Variants in DNAJC13 observed in about 807,000 individuals in gnomAD.
DNAJC13 encodes DnaJ heat shock protein family (Hsp40) member C13, also known as dnaJ homolog subfamily C member 13.
In DNAJC13, 75 loss-of-function variants were observed where a neutral mutation model predicts 290.5. The ratio of observed to expected loss-of-function variants is 0.26; its 90% CI spans 0.21 to 0.31. The LOEUF (loss-of-function observed/expected upper bound fraction) is 0.31. Among genes scored for constraint, DNAJC13 ranks in the 10% least tolerant of loss-of-function variants. The pLI is 1.00. For synonymous variants in DNAJC13, 862 were observed against 892.0 expected (o/e 0.97, Z 0.60); for missense variants, 2,260 against 2,674.5 (o/e 0.85, Z 3.42).
intron 25 of DNAJC13, among the ~76,000 whole-genome samples, chr3:132,479,630 C>T (rs75300796): frequency 0.029 from 4,398 of 152,036 alleles, 208 homozygotes; most frequent in African/African-American, 0.1. Flanking sequence ...AAAATATATG[C>T]TTGACATAAA....
Position 132,447,361 on chromosome 3 carries a change from A to G in DNAJC13, c.185A>G (p.Lys62Arg). ...GDICSISPVG[K>R]GQGTEFNLTF... ...ATTTGCAGCATCAGCCCTGTTGGAA[A>G]AGGACAAGGAACGGAGTTCAACCTC... The change falls in exon 4 of 56, where the codon AAA becomes AGA. Residue 62 changes from lysine to arginine, a missense_variant. Coordinates refer to ENST00000260818, the MANE Select transcript of DNAJC13 (RefSeq NM_015268.4). 1.3e-6 allele frequency: 2 copies of G among 1,599,442 alleles called. No individual in the cohort carries two copies. The highest frequency in any genetic ancestry group is 1.7e-6 in the Non-Finnish European group (2 of 1,175,010).
intron 1 of DNAJC13, among the ~76,000 whole-genome samples, chr3:132,433,890 G>A (rs1163409929): frequency 6.6e-6 from 1 of 152,198 alleles, no homozygotes; most frequent in East Asian, 1.9e-4. Flanking sequence ...ATGATAAAGA[G>A]TTGAATAGAC....
chr3:132,448,194 T>C (rs1310997456), intron 5 of DNAJC13, among the ~76,000 whole-genome samples: 1 of 152,190 alleles, frequency 6.6e-6, no homozygotes, highest in Non-Finnish European at 1.5e-5. Flanking sequence ...AAAGCAACAC[T>C]ATAAGCATTC....
Position 132,535,661 on chromosome 3 carries a change from T to C in DNAJC13, c.6626-2515T>C, listed in dbSNP as rs565485190. Among the ~76,000 whole-genome samples, 7 of 152,290 alleles carry C rather than the reference T, an allele frequency of 4.6e-5. No individual in the cohort carries two copies. In the East Asian group the frequency reaches 1.2e-3, roughly 25 times the overall value. ...CAGAATTGGAGATGAACTTTTCACA[T>C]ATACATTTCATCGTGGTAGCCAATT... On this transcript the variant is annotated intron_variant, in intron 55 of 55. Coordinates refer to ENST00000260818, the MANE Select transcript of DNAJC13 (RefSeq NM_015268.4).
chr3:132,437,880 T>C (rs1326895381), intron 2 of DNAJC13, among the ~76,000 whole-genome samples: 2 of 152,200 alleles, frequency 1.3e-5, no homozygotes, highest in African/African-American at 4.8e-5. Context: ...TGAAATCCTG[T>C]CTCTACCAAA....
chr3:132,417,856 T>C (rs1170049482), intron 1 of DNAJC13, 96 bp downstream of exon 1: 2 of 152,554 alleles, frequency 1.3e-5, no homozygotes, highest in African/African-American at 2.4e-5. Flanking sequence ...GAAAACGGGG[T>C]GGTCTTGGCT....
chr3:132,507,101 A>T (rs1935618684), intron 42 of DNAJC13, 136 bp from the exon 43 acceptor site: 2 of 526,132 alleles, frequency 3.8e-6, no homozygotes, highest in East Asian at 3.1e-5. Context: ...AGTCTTTTTA[A>T]GTGCTGTGAC....
chr3:132,499,339 A>G (rs766950293), intron 37 of DNAJC13, 29 bp downstream of exon 37: 5 of 1,542,474 alleles, frequency 3.2e-6, no homozygotes, highest in Non-Finnish European at 4.4e-6. Context: ...TGTGCTTTTT[A>G]AGCCAGTTTA....
intron 1 of DNAJC13, among the ~76,000 whole-genome samples, chr3:132,421,442 C>A (rs1463355108): frequency 6.6e-6 from 1 of 152,096 alleles, no homozygotes; most frequent in Non-Finnish European, 1.5e-5. Flanking sequence ...TGTATCTTTA[C>A]ATGGAATCAT....
At chr3:132,498,679 T>C (rs1421444015) in intron 36 of DNAJC13, among the ~76,000 whole-genome samples, 1 of 152,106 alleles carries the variant, frequency 6.6e-6, no homozygotes, top group Non-Finnish European at 1.5e-5. Context: ...GATGTTAAGA[T>C]AAAATATTTT....
At chr3:132,459,851 G>A (rs559511298) in intron 13 of DNAJC13, among the ~76,000 whole-genome samples, 4 of 152,212 alleles carry the variant, frequency 2.6e-5, no homozygotes, top group East Asian at 1.9e-4. Context: ...TAACCATCAC[G>A]CTGGAATGTT....
intron 1 of DNAJC13, among the ~76,000 whole-genome samples, chr3:132,432,187 TTTTTG>T (rs775265161): frequency 5.4e-4 from 82 of 152,114 alleles, no homozygotes; most frequent in Admixed American, 2.2e-3. Context: ...AATTTTTTTG[TTTTTG>T]TTTTGTTTTG....
chr3:132,518,044 TTTTC>T (rs1935969389), intron 48 of DNAJC13, among the ~76,000 whole-genome samples: 1 of 152,024 alleles, frequency 6.6e-6, no homozygotes, highest in African/African-American at 2.4e-5. Context: ...ATTAGTTATT[TTTTC>T]TTTATTAATT....
chr3:132,518,371 A>T (rs1417542285), intron 48 of DNAJC13, among the ~76,000 whole-genome samples: 1 of 152,144 alleles, frequency 6.6e-6, no homozygotes, highest in Non-Finnish European at 1.5e-5. Flanking sequence ...TTTGTTTTTG[A>T]GACAAGGTCT....
intron 12 of DNAJC13, 32 bp from the exon 13 acceptor site, chr3:132,457,237 T>C (rs1576470724): frequency 6.8e-7 from 1 of 1,474,720 alleles, no homozygotes; most frequent in East Asian, 2.3e-5. Context: ...GTTCTGGTAT[T>C]GCTAGTATAT....
chr3:132,450,679 C>T lies in DNAJC13; in HGVS notation c.369C>T (p.Asp123=). Residue 123 remains aspartate (D), a synonymous_variant, in exon 6 of 56, where the codon GAC becomes GAT. Coordinates refer to ENST00000260818, the MANE Select transcript of DNAJC13 (RefSeq NM_015268.4). ...ACTGCTATAAGCATCACTGGAGTGACTCAAGAAAACCTGTAATTTTGGAAG... is the reference window on the plus strand; with the variant it reads ...ACTGCTATAAGCATCACTGGAGTGATTCAAGAAAACCTGTAATTTTGGAAG... ...RYNCYKHHWS[D]SRKPVILEVT... is the part of the protein sequence containing the mutation. 1.2e-6 allele frequency: 2 copies of T among 1,613,042 alleles called. No individual in the cohort carries two copies. Among genetic ancestry groups the T allele is most frequent in the Middle Eastern group, 1.7e-4 (1 of 6,054 alleles).
intron 36 of DNAJC13, 49 bp downstream of exon 36, chr3:132,496,712 C>T: frequency 1.3e-6 from 2 of 1,530,382 alleles, no homozygotes; most frequent in Non-Finnish European, 1.8e-6. Flanking sequence ...CTAACCTTAT[C>T]ACAGCTAACC....
In DNAJC13 at chr3:132,421,173, C is replaced by T. The variant is rs369982411; in HGVS notation, c.-14+3413C>T. Reference sequence around the variant, plus strand: ...GTGAATGTATGTGGTTCATTGACCACCTGAAGTGTGTGTGTGTATTTTGTG... The same window carrying T: ...GTGAATGTATGTGGTTCATTGACCATCTGAAGTGTGTGTGTGTATTTTGTG... On this transcript the variant is annotated intron_variant, in intron 1 of 55. Transcript: ENST00000260818. 1.7e-4 allele frequency among the ~76,000 whole-genome samples: 26 copies of T among 152,214 alleles called. No individual in the cohort carries two copies. The South Asian group carries it at 5.4e-3, about 32-fold the overall frequency.
chr3:132,453,379 C>A lies in DNAJC13; in HGVS notation c.619C>A (p.Arg207=), dbSNP rs887094137. The A allele has an allele frequency of 3.1e-6, 5 of 1,613,796 alleles. No individual in the cohort carries two copies. In the Middle Eastern group the frequency reaches 5.0e-4, roughly 160 times the overall value. ...TGGTAACTACATAGGTATTTCATTG[C>A]GGATCAGGAAAGAGCCTTTAGAATT... ...HAGNYIGISL[R]IRKEPLEFEQ... Residue 207 remains arginine, a synonymous_variant, in exon 7 of 56, where the codon CGG becomes AGG. Coordinates refer to ENST00000260818, the MANE Select transcript of DNAJC13 (RefSeq NM_015268.4).
Sources: gnomAD v4.1 joint callset for allele counts (sites outside exome capture counted in the v4.1 genomes callset) on GRCh38, gnomAD v4.1.1 for gene constraint, MANE v1.5 for transcripts, NCBI Gene and HGNC (gene_info 2026-07-23, HGNC 2026-07-21) for gene names.